TMED8: variants seen among roughly 807,000 people sequenced by gnomAD.
The protein encoded by TMED8 is protein TMED8.
TMED8 carries 15 observed loss-of-function variants against 32.7 expected under a neutral mutation model. The ratio of observed to expected loss-of-function variants is 0.46; its 90% CI spans 0.31 to 0.71. The LOEUF is 0.71. TMED8 is among the 30% of genes least tolerant of loss of function. The pLI is 0.06. For synonymous variants in TMED8, 147 were observed against 161.4 expected, an observed-to-expected ratio of 0.91 and a Z score of 0.68; for missense variants, 390 against 423.9, an observed-to-expected ratio of 0.92 and a Z score of 0.70.
chr14:77,369,933 G>A (rs1893638901), intron 1 of TMED8, among the ~76,000 whole-genome samples: 1 of 152,090 alleles, frequency 6.6e-6, no homozygotes, highest in South Asian at 2.1e-4. Context: ...GCGGAGGCGG[G>A]AGGGCCGAGG....
intron 1 of TMED8, among the ~76,000 whole-genome samples, chr14:77,368,983 C>A (rs1287455348): frequency 6.6e-6 from 1 of 152,170 alleles, no homozygotes; most frequent in Non-Finnish European, 1.5e-5. Flanking sequence ...ATATTGAGAT[C>A]CGAAAATATT....
chr14:77,343,547 G>A, intron 4 of TMED8, 64 bp from the exon 5 acceptor site: 1 of 1,586,696 alleles, frequency 6.3e-7, no homozygotes, highest in Non-Finnish European at 8.6e-7. Flanking sequence ...CGGGCATTTT[G>A]CTAAGAGAGG....
At chr14:77,349,568 C>T (rs1594843570) in intron 2 of TMED8, among the ~76,000 whole-genome samples, 1 of 152,284 alleles carries the variant, frequency 6.6e-6, no homozygotes, top group East Asian at 1.9e-4. Flanking sequence ...TAATCTCTGC[C>T]TAGAATACTC....
Position 77,376,650 on chromosome 14 carries a change from G to A in TMED8, c.118+286C>T. On this transcript the variant is annotated intron_variant, in intron 1 of 5. Coordinates refer to ENST00000216468, the MANE Select transcript of TMED8 (RefSeq NM_213601.3). The surrounding 1 kb of genome is among the most constrained non-coding windows in gnomAD (Gnocchi z 4.0). ...GGCTGAAGCTGAAACTGAAGCTGAA[G>A]AGGCGCCAGGGGCAGAGCCACCCTG... The A allele has an allele frequency of 4.2e-6, 1 of 238,754 alleles. No homozygotes were observed. The highest frequency in any genetic ancestry group is 8.0e-6 in the Non-Finnish European group (1 of 124,514). The allele number at this position is 238,754 out of a possible 1,614,324, so 14.8% of individuals were successfully genotyped here.
intron 1 of TMED8, among the ~76,000 whole-genome samples, chr14:77,359,035 G>A (rs1262391114): frequency 6.6e-6 from 1 of 152,054 alleles, no homozygotes; most frequent in Non-Finnish European, 1.5e-5. Flanking sequence ...AGGCTCCCAA[G>A]TAGCTGGAAC....
chr14:77,335,761 A>C lies in TMED8; in HGVS notation c.*6010T>G, dbSNP rs1411506700. 6.6e-6 allele frequency: 1 copy of C among 152,228 alleles called. No individual in the cohort carries two copies. Among genetic ancestry groups the C allele is most frequent in the African/African-American group, 2.4e-5 (1 of 41,462 alleles). 9.4% of individuals were successfully genotyped at this position (152,228 alleles called of 1,614,324 possible). ...TGGGTACACCAGATTCATGGGTTAC[A>C]GGATTGCTTTCTCTAGACTTGGCTT... On this transcript the variant is annotated 3_prime_UTR_variant, in exon 6 of 6. Coordinates refer to ENST00000216468, the MANE Select transcript of TMED8 (RefSeq NM_213601.3).
At position 77,335,527 on chromosome 14, in the gene TMED8, A is replaced by C. The variant is rs1235456309; in HGVS notation, c.*6244T>G. The C allele has an allele frequency of 6.6e-6, 1 of 152,272 alleles. No homozygotes were observed. Among genetic ancestry groups the C allele is most frequent in the Non-Finnish European group, 1.5e-5 (1 of 68,052 alleles). The allele number at this position is 152,272 out of a possible 1,614,324, so 9.4% of individuals were successfully genotyped here. A position where few individuals can be genotyped will look rare whatever the true frequency, so the allele number is the denominator to read the frequency against. On this transcript the variant is annotated 3_prime_UTR_variant, in exon 6 of 6. Coordinates refer to ENST00000216468, the MANE Select transcript of TMED8 (RefSeq NM_213601.3). Reference sequence around the variant, plus strand: ...AAGAAAACATGATCATCTTTCAGTCAACTGACTGATCTGAGTACATGGCAC... The same window carrying C: ...AAGAAAACATGATCATCTTTCAGTCCACTGACTGATCTGAGTACATGGCAC...
intron 1 of TMED8, among the ~76,000 whole-genome samples, chr14:77,367,659 C>A (rs963770319): frequency 6.6e-6 from 1 of 151,870 alleles, no homozygotes; most frequent in Non-Finnish European, 1.5e-5. Context: ...AAAAAATGCA[C>A]CCATGTAATT....
chr14:77,346,577 G>T, intron 2 of TMED8, 99 bp from the exon 3 acceptor site: 1 of 1,447,452 alleles, frequency 6.9e-7, no homozygotes, highest in Non-Finnish European at 9.5e-7. Context: ...GATACCCCCT[G>T]CCCCACCTGC....
At chr14:77,352,904 G>A (rs17105732) in intron 1 of TMED8, among the ~76,000 whole-genome samples, 8,672 of 151,980 alleles carry the variant, frequency 0.057, 292 homozygotes, top group African/African-American at 0.086. Flanking sequence ...ATGTACCCAA[G>A]GTCAGGTAAA....
chr14:77,355,657 G>A (rs897341763), intron 1 of TMED8, among the ~76,000 whole-genome samples: 6 of 152,116 alleles, frequency 3.9e-5, no homozygotes, highest in African/African-American at 1.4e-4. Context: ...CAATGATGCT[G>A]TCTATAACAA....
At chr14:77,355,069 A>T (rs1040147563) in intron 1 of TMED8, among the ~76,000 whole-genome samples, 1 of 151,774 alleles carries the variant, frequency 6.6e-6, no homozygotes, top group Non-Finnish European at 1.5e-5. Context: ...ACAGCACAGC[A>T]TCTGGCCAAC....
intron 2 of TMED8, among the ~76,000 whole-genome samples, chr14:77,347,657 G>T (rs956084000): frequency 6.6e-6 from 1 of 152,112 alleles, no homozygotes; most frequent in African/African-American, 2.4e-5. Context: ...TGCCTGCCTC[G>T]GCCTCCCAAA....
intron 1 of TMED8, among the ~76,000 whole-genome samples, chr14:77,360,790 C>T (rs982829384): frequency 6.6e-6 from 1 of 152,156 alleles, no homozygotes; most frequent in Non-Finnish European, 1.5e-5. Flanking sequence ...GCATCATCTA[C>T]ATTTGTACCA....
At position 77,343,515 on chromosome 14, in the gene TMED8, C is replaced by T. The variant is rs758408671; in HGVS notation, c.455-32G>A. 8.7e-6 allele frequency: 14 copies of T among 1,606,386 alleles called. No homozygotes were observed. In the Admixed American group the frequency reaches 2.2e-4, roughly 25 times the overall value. On this transcript the variant is annotated intron_variant, in intron 4 of 5. Coordinates refer to ENST00000216468, the MANE Select transcript of TMED8 (RefSeq NM_213601.3). ...GGACAAGCAGCTTAGCACTGAGAAA[C>T]CATGAGGAAACATGAGTACCCCGGG... is the stretch of plus-strand genomic sequence containing the variant.
chr14:77,343,224 G>A lies in TMED8; in HGVS notation c.714C>T (p.Ser238=). ...STDITVQVSD[S]SDDEDEEEEE... ...CCTCTTCTTCATCCTCATCGTCACT[G>A]GAATCACTGACCTGCACAGTTATGT... is the stretch of plus-strand genomic sequence containing the variant. Residue 238 remains serine (S), a synonymous_variant, in exon 5 of 6, where the codon TCC becomes TCT. Transcript: ENST00000216468. 1 of 1,614,102 alleles carries A rather than the reference G, an allele frequency of 6.2e-7. No homozygotes were observed. Among genetic ancestry groups the A allele is most frequent in the Non-Finnish European group, 8.5e-7 (1 of 1,180,018 alleles).
chr14:77,376,851 G>A lies in TMED8; in HGVS notation c.118+85C>T, dbSNP rs1893830236. ...GGGTCCGCTCCGCGGGGAAGCCCAG[G>A]ACAGAGCGCGGCGGAGGCTCGCGCC... is the stretch of plus-strand genomic sequence containing the variant. On this transcript the variant is annotated intron_variant, in intron 1 of 5. Transcript: ENST00000216468. The surrounding 1 kb of genome is among the most constrained non-coding windows in gnomAD (Gnocchi z 4.0). 2 of 909,882 alleles carry A rather than the reference G, an allele frequency of 2.2e-6. No individual in the cohort carries two copies. Among genetic ancestry groups the A allele is most frequent in the African/African-American group, 1.8e-5 (1 of 56,310 alleles). 56.4% of individuals were successfully genotyped at this position (909,882 alleles called of 1,614,324 possible).
At chr14:77,364,032 T>C (rs1893496005) in intron 1 of TMED8, among the ~76,000 whole-genome samples, 1 of 152,244 alleles carries the variant, frequency 6.6e-6, no homozygotes, top group African/African-American at 2.4e-5. Context: ...TCATCTATTT[T>C]ACATTCACTG....
chr14:77,365,254 T>C (rs898896732), intron 1 of TMED8, among the ~76,000 whole-genome samples: 5 of 152,224 alleles, frequency 3.3e-5, no homozygotes, highest in Non-Finnish European at 5.9e-5. Flanking sequence ...TGTCAGGCAG[T>C]ATATTCCATG....
Sources: allele counts gnomAD v4.1 joint callset (sites outside exome capture counted in the v4.1 genomes callset), GRCh38; gene constraint gnomAD v4.1.1; non-coding constraint Gnocchi (gnomAD v3.1); transcripts MANE v1.5; gene names NCBI Gene and HGNC (gene_info 2026-07-23, HGNC 2026-07-21).